The following PRKCH variants were observed in gnomAD, a reference collection of about 807,000 sequenced individuals.
The protein encoded by PRKCH is protein kinase C eta, also known as protein kinase C eta type.
A neutral mutation model predicts 82.5 loss-of-function variants in PRKCH; 28 were observed. That is an observed-to-expected ratio of 0.34 (90% CI 0.25 to 0.47). The LOEUF (loss-of-function observed/expected upper bound fraction) is 0.47, where lower values mean the gene tolerates loss of function less well. Ranked by LOEUF, PRKCH falls within the 20% of genes least tolerant of loss-of-function variation. PRKCH has a pLI of 1.00. For synonymous variants in PRKCH, 322 were observed against 327.4 expected (o/e 0.98, Z 0.18); for missense variants, 705 against 881.8 (o/e 0.80, Z 2.54).
At chr14:61,200,853 G>T (rs1314152095) in intron 1 of PRKCH, among the ~76,000 whole-genome samples, 1 of 152,084 alleles carries the variant, frequency 6.6e-6, no homozygotes, top group African/African-American at 2.4e-5. Flanking sequence ...ATGTACAGGA[G>T]AAAACATAGT....
Position 61,428,072 on chromosome 14 carries a change from TAG to T in PRKCH, c.428-15037_428-15036del, listed in dbSNP as rs753584917. Among the ~76,000 whole-genome samples, 373 of 77,350 alleles carry T rather than the reference TAG, an allele frequency of 4.8e-3. 2 individuals carry two copies. The highest frequency in any genetic ancestry group is 9.2e-3 in the African/African-American group (239 of 26,018). 50.7% of individuals were successfully genotyped at this position (77,350 alleles called of 152,430 possible). A position where few individuals can be genotyped will look rare whatever the true frequency, so the allele number is the denominator to read the frequency against. ...ATAGATAGATAGATAGATAGATAGATAGATACACACACACACACACACACATA... is the reference window on the plus strand; with the variant it reads ...ATAGATAGATAGATAGATAGATAGATATACACACACACACACACACACATA... On this transcript the variant is annotated intron_variant, in intron 2 of 13. Coordinates refer to ENST00000332981, the MANE Select transcript of PRKCH (RefSeq NM_006255.5).
chr14:61,352,689 G>GGAAA (rs56406998), intron 1 of PRKCH, among the ~76,000 whole-genome samples: 29,288 of 126,090 alleles, frequency 0.23, 3,605 homozygotes, highest in Non-Finnish European at 0.25. Context: ...AGAAAGGAAA[G>GGAAA]GAAAGAAAGA....
chr14:61,431,617 G>T (rs150562523), intron 2 of PRKCH, among the ~76,000 whole-genome samples: 41 of 152,048 alleles, frequency 2.7e-4, no homozygotes, highest in African/African-American at 9.4e-4. Context: ...GTTCTAGAAT[G>T]CATGCTTAGA....
chr14:61,524,043 T>C (rs756049213), intron 10 of PRKCH, among the ~76,000 whole-genome samples: 17 of 152,228 alleles, frequency 1.1e-4, no homozygotes, highest in Non-Finnish European at 1.8e-4. Flanking sequence ...TTGAAAAATA[T>C]GTTAAAAATA....
At chr14:61,231,802 G>C (rs182739099) in intron 1 of PRKCH, among the ~76,000 whole-genome samples, 1 of 151,950 alleles carries the variant, frequency 6.6e-6, no homozygotes, top group Admixed American at 6.6e-5. Context: ...CTGTTTAGAC[G>C]CACAAAATGG....
chr14:61,279,884 C>T (rs1236250596), intron 1 of PRKCH: 1 of 578,140 alleles, frequency 1.7e-6, no homozygotes, highest in Non-Finnish European at 3.1e-6. Flanking sequence ...AAGGATGTTT[C>T]ACTCTGCAGT....
At chr14:61,329,207 CCACTGCT>C (rs2045746179) in intron 1 of PRKCH, among the ~76,000 whole-genome samples, 1 of 146,606 alleles carries the variant, frequency 6.8e-6, no homozygotes, top group East Asian at 2.0e-4. Flanking sequence ...CTGTGGTTCT[CCACTGCT>C]CTTAGATAAA....
chr14:61,407,866 C>T (rs1882042867), intron 2 of PRKCH, among the ~76,000 whole-genome samples: 1 of 152,186 alleles, frequency 6.6e-6, no homozygotes, highest in African/African-American at 2.4e-5. Flanking sequence ...GCCTGCAGAC[C>T]AGTTTTGCTT....
At chr14:61,391,197 T>A (rs181785836) in intron 1 of PRKCH, 28 bp from the exon 2 acceptor site, 1 of 1,581,628 alleles carries the variant, frequency 6.3e-7, no homozygotes, top group Non-Finnish European at 8.7e-7. Flanking sequence ...AACTAACATA[T>A]AATATACATT....
At chr14:61,365,521 G>A (rs993299158) in intron 1 of PRKCH, among the ~76,000 whole-genome samples, 3 of 152,026 alleles carry the variant, frequency 2.0e-5, no homozygotes, top group Admixed American at 1.3e-4. Flanking sequence ...TATTTCACTG[G>A]GTAAGAGAAT....
chr14:61,331,132 AATCTAT>A (rs1419543607), intron 1 of PRKCH, among the ~76,000 whole-genome samples: 1 of 152,084 alleles, frequency 6.6e-6, no homozygotes, highest in African/African-American at 2.4e-5. Flanking sequence ...ATATCTATCT[AATCTAT>A]ATCTACAAAA....
At chr14:61,436,407 A>C (rs545917445) in intron 2 of PRKCH, among the ~76,000 whole-genome samples, 2 of 151,780 alleles carry the variant, frequency 1.3e-5, no homozygotes, top group East Asian at 3.9e-4. Flanking sequence ...TCCGGGTCTA[A>C]TACAGTGAGT....
chr14:61,418,178 T>A (rs1014090704), intron 2 of PRKCH, among the ~76,000 whole-genome samples: 14 of 152,242 alleles, frequency 9.2e-5, no homozygotes, highest in African/African-American at 2.4e-5. Flanking sequence ...GTAAGTGTAC[T>A]TGTCATGTAG....
chr14:61,231,322 GT>G (rs1275476252), intron 1 of PRKCH, among the ~76,000 whole-genome samples: 1 of 151,422 alleles, frequency 6.6e-6, no homozygotes, highest in East Asian at 1.9e-4. Context: ...ACAGTGCTTG[GT>G]AACTGATCAA....
At chr14:61,269,211 C>G (rs1355096297) in intron 1 of PRKCH, among the ~76,000 whole-genome samples, 1 of 151,920 alleles carries the variant, frequency 6.6e-6, no homozygotes, top group East Asian at 1.9e-4. Context: ...GTAGTAACCA[C>G]TAGAATCATA....
At chr14:61,261,144 C>T (rs977004837) in intron 1 of PRKCH, among the ~76,000 whole-genome samples, 2 of 152,242 alleles carry the variant, frequency 1.3e-5, no homozygotes, top group African/African-American at 2.4e-5. Context: ...GGATGACTCA[C>T]CTGGCTGCTG....
chr14:61,262,219 T>TAACAAAA (rs2045053316), intron 1 of PRKCH, among the ~76,000 whole-genome samples: 1 of 106,614 alleles, frequency 9.4e-6, no homozygotes, highest in Non-Finnish European at 1.8e-5. Context: ...AGACTCTGTA[T>TAACAAAA]AAAAAAAAAA....
rs1399379822 is a variant in PRKCH at position 61,448,841 on chromosome 14, G to A, written c.614-323G>A. The stretch of plus-strand genomic sequence containing the variant: ...GTGGGAAATTTGAACTTTGTTGATC[G>A]GCAGTGAATTACCATGGAATGTTTT... On this transcript the variant is annotated intron_variant, in intron 4 of 13. Transcript: ENST00000332981. Among the ~76,000 whole-genome samples, 5 of 152,128 alleles carry A rather than the reference G, an allele frequency of 3.3e-5. No individual in the cohort carries two copies. In the East Asian group the frequency reaches 7.7e-4, roughly 23 times the overall value.
At chr14:61,204,773 A>AG (rs1182920717) in intron 1 of PRKCH, among the ~76,000 whole-genome samples, 3 of 151,198 alleles carry the variant, frequency 2.0e-5, no homozygotes, top group African/African-American at 7.3e-5. Flanking sequence ...GAAAAAAAAA[A>AG]AAAAAGAAAA....
Sources: allele counts gnomAD v4.1 joint callset (sites outside exome capture counted in the v4.1 genomes callset), GRCh38; gene constraint gnomAD v4.1.1; transcripts MANE v1.5; gene names NCBI Gene and HGNC (gene_info 2026-07-23, HGNC 2026-07-21).